The following SGSM3 variants were observed in gnomAD, a reference collection of about 807,000 sequenced individuals.
The protein encoded by SGSM3 is small G protein signaling modulator 3.
In SGSM3, 96 loss-of-function variants were observed where a neutral mutation model predicts 100.5. That is an observed-to-expected ratio of 0.96 (90% CI 0.81 to 1.13). The LOEUF (loss-of-function observed/expected upper bound fraction) is 1.13. Ranked by LOEUF, SGSM3 falls within the 50% of genes most tolerant of loss-of-function variation. SGSM3 has a pLI of 0.00. For missense variants in SGSM3, 1,001 were observed against 1,015.8 expected, an observed-to-expected ratio of 0.99 and a Z score of 0.20; for synonymous variants, 483 against 422.8, an observed-to-expected ratio of 1.14 and a Z score of -1.75.
chr22:40,404,396 C>T lies in SGSM3; in HGVS notation c.307C>T (p.Arg103Cys), dbSNP rs143730708. 4.1e-4 allele frequency: 655 copies of T among 1,608,836 alleles called. 2 individuals are homozygous for T. The highest frequency in any genetic ancestry group is 2.9e-4 in the South Asian group (26 of 90,322). ...TWDKIAVSLP[R>C]SEKLRSLVLA... ...GGACAAGATTGCCGTCTCCCTACCC[C>T]GCTCTGAGAAGCTCCGCTCCCTGGT... The change falls in exon 5 of 22, where the codon CGC (arginine) becomes TGC (cysteine). Residue 103 changes from arginine (R) to cysteine (C), a missense_variant. Coordinates refer to ENST00000248929, the MANE Select transcript of SGSM3 (RefSeq NM_015705.6).
At chr22:40,409,638 G>A in intron 21 of SGSM3, 44 bp from the exon 22 acceptor site, 2 of 1,613,432 alleles carry the variant, frequency 1.2e-6, no homozygotes, top group African/African-American at 1.3e-5. Context: ...AACTACCCCA[G>A]CCATGCCCAA....
In SGSM3 at chr22:40,409,707, T is replaced by A. The variant is rs2052331262; in HGVS notation, c.2198T>A (p.Val733Asp). 6.2e-7 allele frequency: 1 copy of A among 1,612,926 alleles called. No homozygotes were observed. The highest frequency in any genetic ancestry group is 8.5e-7 in the Non-Finnish European group (1 of 1,179,782). Reference protein sequence around the residue: ...REAQQPLKEGVRDMLVKHHLF... With the variant: ...REAQQPLKEGDRDMLVKHHLF... The stretch of plus-strand genomic sequence containing the variant: ...GCGCAGCAGCCCCTGAAGGAGGGCG[T>A]CCGGGACATGCTGGTGAAGCACCAC... Residue 733 changes from valine (V) to aspartate (D), a missense_variant, in exon 22 of 22, where the codon GTC becomes GAC. Physicochemically the swap from Val to Asp is radical, Grantham distance 152. Transcript: ENST00000248929.
In SGSM3 at chr22:40,409,143, G is replaced by GA. The variant is rs573015271; in HGVS notation, c.1989-106dup. The GA allele has an allele frequency of 5.2e-5, 81 of 1,558,124 alleles. No individual in the cohort carries two copies. In the East Asian group the frequency reaches 1.7e-3, roughly 33 times the overall value. ...TCAGGGGCTCAGGTCCTTCCCCAAA[G>GA]AGGGTGGTCTGGGAGCTGCTGAGAG... On this transcript the variant is annotated intron_variant, in intron 19 of 21. Transcript: ENST00000248929.
chr22:40,379,390 T>G (rs1391115029), intron 1 of SGSM3: 1 of 152,598 alleles, frequency 6.6e-6, no homozygotes, highest in Non-Finnish European at 1.5e-5. Context: ...GGTGCCTTTC[T>G]CTTTTCCTCT....
chr22:40,390,498 T>A (rs1282185599), intron 1 of SGSM3: 2 of 152,226 alleles, frequency 1.3e-5, no homozygotes, highest in Non-Finnish European at 2.9e-5. Flanking sequence ...CATCTGGTAT[T>A]TTGTTCTCAA....
Position 40,406,672 on chromosome 22 carries a change from G to A in SGSM3, c.1185+10G>A. 6.2e-7 allele frequency: 1 copy of A among 1,602,254 alleles called. No individual in the cohort carries two copies. Among genetic ancestry groups the A allele is most frequent in the Non-Finnish European group, 8.5e-7 (1 of 1,171,916 alleles). ...CACCAACCTCTCTCAGGTGGCCCAG[G>A]ATGGGGGGCCGCACCTTGACCCACA... On this transcript the variant is annotated intron_variant, in intron 10 of 21. Coordinates refer to ENST00000248929, the MANE Select transcript of SGSM3 (RefSeq NM_015705.6).
chr22:40,396,363 G>A (rs1039861513), intron 1 of SGSM3, among the ~76,000 whole-genome samples: 7 of 151,940 alleles, frequency 4.6e-5, no homozygotes, highest in Non-Finnish European at 7.4e-5. Flanking sequence ...AGGCCGAGGC[G>A]GGTGGCTCAC....
intron 5 of SGSM3, 37 bp downstream of exon 5, chr22:40,404,492 G>T (rs1393962005): frequency 1.9e-6 from 3 of 1,610,480 alleles, no homozygotes; most frequent in Non-Finnish European, 1.7e-6. Context: ...GTGTTGAGAG[G>T]GTCCTGGCCC....
At chr22:40,406,739 G>C (rs1293931404) in intron 10 of SGSM3, 77 bp downstream of exon 10, 1 of 1,279,856 alleles carries the variant, frequency 7.8e-7, no homozygotes, top group African/African-American at 1.5e-5. Flanking sequence ...CAGAGCGCGG[G>C]GGCTGCGGAA....
intron 1 of SGSM3, among the ~76,000 whole-genome samples, chr22:40,383,200 G>A (rs1429341611): frequency 6.6e-6 from 1 of 152,052 alleles, no homozygotes; most frequent in African/African-American, 2.4e-5. Flanking sequence ...GGGTGCAGTG[G>A]CTCACACCTG....
chr22:40,395,643 T>A (rs553550226), intron 1 of SGSM3, among the ~76,000 whole-genome samples: 2 of 152,112 alleles, frequency 1.3e-5, no homozygotes, highest in East Asian at 3.9e-4. Flanking sequence ...ACTCTTAACT[T>A]CTTAACTTCC....
In SGSM3 at chr22:40,406,149, C is replaced by T. The variant is rs757609789; in HGVS notation, c.886C>T (p.Arg296Cys). ...CGTGGTGGACATCAAGCTGCTCCTG[C>T]GCATCTGGGACCTGTTTTTCTACGA... is the stretch of plus-strand genomic sequence containing the variant. ...ASVVDIKLLL[R>C]IWDLFFYEGS... The change falls in exon 9 of 22, where the codon CGC becomes TGC. Residue 296 changes from arginine to cysteine, a missense_variant. Physicochemically the swap from Arg to Cys is radical, Grantham distance 180. Transcript: ENST00000248929. 6.2e-6 allele frequency: 10 copies of T among 1,614,026 alleles called. No individual in the cohort carries two copies. Among genetic ancestry groups the T allele is most frequent in the African/African-American group, 1.3e-5 (1 of 74,946 alleles).
At chr22:40,374,618 C>A (rs1197491120) in intron 1 of SGSM3, among the ~76,000 whole-genome samples, 2 of 152,214 alleles carry the variant, frequency 1.3e-5, no homozygotes, top group Non-Finnish European at 2.9e-5. Flanking sequence ...TACGGCGGCT[C>A]ACGCCTGTAA....
chr22:40,406,091 C>T lies in SGSM3; in HGVS notation c.828C>T (p.Ile276=). The change falls in exon 9 of 22, where the codon ATC becomes ATT. Residue 276 remains isoleucine, a synonymous_variant. Coordinates refer to ENST00000248929, the MANE Select transcript of SGSM3 (RefSeq NM_015705.6). ...CTGTGTTTACAGAGCTGTCCCTGATCACACTGCACTGGTTCCTCACGGCCT... is the reference window on the plus strand; with the variant it reads ...CTGTGTTTACAGAGCTGTCCCTGATTACACTGCACTGGTTCCTCACGGCCT... ...LQEHDIELSL[I]TLHWFLTAFA... 6.2e-7 allele frequency: 1 copy of T among 1,613,954 alleles called. No individual in the cohort carries two copies. Among genetic ancestry groups the T allele is most frequent in the Non-Finnish European group, 8.5e-7 (1 of 1,179,972 alleles).
At position 40,408,789 on chromosome 22, in the gene SGSM3, C is replaced by G; in HGVS notation, c.1854-5C>G. On this transcript the variant is annotated splice_polypyrimidine_tract_variant and splice_region_variant and intron_variant, in intron 17 of 21. Coordinates refer to ENST00000248929, the MANE Select transcript of SGSM3 (RefSeq NM_015705.6). ...GGCACCCCAGGAGCTTTGGTGTCCCCTCAGGTTGGATGAAGATGGCAAAGT... is the reference window on the plus strand; with the variant it reads ...GGCACCCCAGGAGCTTTGGTGTCCCGTCAGGTTGGATGAAGATGGCAAAGT... The G allele has an allele frequency of 6.2e-7, 1 of 1,613,804 alleles. No homozygotes were observed. The highest frequency in any genetic ancestry group is 8.5e-7 in the Non-Finnish European group (1 of 1,180,010).
Position 40,409,035 on chromosome 22 carries a change from G to A in SGSM3, c.1988+17G>A. On this transcript the variant is annotated intron_variant, in intron 19 of 21. Coordinates refer to ENST00000248929, the MANE Select transcript of SGSM3 (RefSeq NM_015705.6). ...GGGGCTCAAGTGAGTGTGGAAAAGG[G>A]GTTGGAGGAGAGCCCTGGAGTGGGG... 6.4e-7 allele frequency: 1 copy of A among 1,556,840 alleles called. No individual in the cohort carries two copies. Among genetic ancestry groups the A allele is most frequent in the African/African-American group, 1.4e-5 (1 of 73,346 alleles).
chr22:40,410,270 A>C lies in SGSM3; in HGVS notation c.*511A>C. On this transcript the variant is annotated 3_prime_UTR_variant, in exon 22 of 22. Transcript: ENST00000248929. ...GCTACCCACCCCTTCCATGGACTGA[A>C]TAAGATGGACTAACAGGCCTGTGTT... The C allele has an allele frequency of 4.2e-6, 3 of 714,750 alleles. No homozygotes were observed. In the South Asian group the frequency reaches 2.0e-4, roughly 47 times the overall value. The allele number at this position is 714,750 out of a possible 1,614,324, so 44.3% of individuals were successfully genotyped here.
At chr22:40,380,100 A>G (rs1299518392) in intron 1 of SGSM3, among the ~76,000 whole-genome samples, 1 of 152,148 alleles carries the variant, frequency 6.6e-6, no homozygotes, top group Non-Finnish European at 1.5e-5. Flanking sequence ...CAAAGACTAA[A>G]TGTACCTACT....
intron 1 of SGSM3, among the ~76,000 whole-genome samples, chr22:40,381,349 A>G (rs1865206792): frequency 6.6e-6 from 1 of 152,050 alleles, no homozygotes; most frequent in Non-Finnish European, 1.5e-5. Context: ...AAGCCTCACT[A>G]TGTTGCCGAG....
Sources: gnomAD v4.1 joint callset for allele counts (sites outside exome capture counted in the v4.1 genomes callset) on GRCh38, gnomAD v4.1.1 for gene constraint, MANE v1.5 for transcripts, NCBI Gene and HGNC (gene_info 2026-07-23, HGNC 2026-07-21) for gene names.